DOCK2: variants seen among roughly 807,000 people sequenced by gnomAD.
DOCK2 encodes dedicator of cytokinesis protein 2.
In DOCK2, 87 loss-of-function variants were observed where a neutral mutation model predicts 248.9. That is an observed-to-expected ratio of 0.35 (90% CI 0.29 to 0.42). The LOEUF (loss-of-function observed/expected upper bound fraction) is 0.42, where lower values mean the gene tolerates loss of function less well. Among genes scored for constraint, DOCK2 ranks in the 10% least tolerant of loss-of-function variants. DOCK2 has a pLI of 1.00. For synonymous variants in DOCK2, 805 were observed against 821.6 expected (o/e 0.98, Z 0.35); for missense variants, 1,747 against 2,300.2 (o/e 0.76, Z 4.92).
chr5:169,917,573 A>T (rs555665304), intron 27 of DOCK2, among the ~76,000 whole-genome samples: 2 of 152,174 alleles, frequency 1.3e-5, no homozygotes. Flanking sequence ...ATGAAAATTG[A>T]ATGTTGTTTG....
At chr5:169,821,962 T>G (rs1301558585) in intron 26 of DOCK2, among the ~76,000 whole-genome samples, 3 of 151,750 alleles carry the variant, frequency 2.0e-5, no homozygotes, top group Admixed American at 1.3e-4. Flanking sequence ...AGGCAGAGGT[T>G]GCAATCCTAG....
At chr5:169,824,651 A>C (rs1308205937) in intron 26 of DOCK2, among the ~76,000 whole-genome samples, 1 of 152,260 alleles carries the variant, frequency 6.6e-6, no homozygotes, top group African/African-American at 2.4e-5. Flanking sequence ...TAAATGTTAG[A>C]CCTAAAACCA....
rs117909152 is a variant in DOCK2 at position 169,686,724 on chromosome 5, G to A, written c.761+2374G>A. Among the ~76,000 whole-genome samples, 29 of 152,346 alleles carry A rather than the reference G, an allele frequency of 1.9e-4. No individual in the cohort carries two copies. The East Asian group carries it at 5.4e-3, about 28-fold the overall frequency. ...AAGACATCTTCAGTGTGGCCCAGAT[G>A]TGGACTGGGGAGAATATAGCTAGGA... On this transcript the variant is annotated intron_variant, in intron 8 of 51. Transcript: ENST00000520908.
chr5:170,065,229 A>G (rs951837104), intron 44 of DOCK2, among the ~76,000 whole-genome samples: 8 of 152,196 alleles, frequency 5.3e-5, no homozygotes, highest in Admixed American at 2.0e-4. Context: ...CAGGGTAACC[A>G]CAAAGCAAAA....
intron 26 of DOCK2, among the ~76,000 whole-genome samples, chr5:169,838,540 G>A (rs186095394): frequency 2.8e-4 from 42 of 152,250 alleles, no homozygotes; most frequent in African/African-American, 9.9e-4. Flanking sequence ...CAGCAAAATG[G>A]CTTGGAGAAA....
At chr5:169,743,442 T>G (rs891541771) in intron 22 of DOCK2, among the ~76,000 whole-genome samples, 7 of 152,184 alleles carry the variant, frequency 4.6e-5, no homozygotes, top group Admixed American at 1.3e-4. Context: ...ATCAGAGAGT[T>G]TGCCCAAATA....
intron 27 of DOCK2, among the ~76,000 whole-genome samples, chr5:169,962,878 A>G (rs1777148724): frequency 6.6e-6 from 1 of 152,152 alleles, no homozygotes; most frequent in African/African-American, 2.4e-5. Flanking sequence ...TGCCCAGAAC[A>G]GAGAAAGCCT....
At chr5:169,893,964 A>C (rs1773443673) in intron 27 of DOCK2, among the ~76,000 whole-genome samples, 2 of 150,572 alleles carry the variant, frequency 1.3e-5, no homozygotes, top group Admixed American at 6.6e-5. Flanking sequence ...TAAAGAAATT[A>C]TGAATAAAAT....
At chr5:169,928,208 A>T (rs1775568439) in intron 27 of DOCK2, among the ~76,000 whole-genome samples, 1 of 152,142 alleles carries the variant, frequency 6.6e-6, no homozygotes, top group Non-Finnish European at 1.5e-5. Flanking sequence ...TATTGACAGC[A>T]GCCTCAATGC....
At chr5:170,079,878 A>G (rs766147840) in intron 49 of DOCK2, 4 of 334,374 alleles carry the variant, frequency 1.2e-5, no homozygotes, top group Non-Finnish European at 1.6e-5. Flanking sequence ...GTGGATGGAT[A>G]AGAATGGAAA....
intron 46 of DOCK2, among the ~76,000 whole-genome samples, chr5:170,072,190 T>C (rs1375895627): frequency 2.6e-5 from 4 of 152,212 alleles, no homozygotes; most frequent in African/African-American, 7.2e-5. Flanking sequence ...TCAGCTTTCA[T>C]AGGTACTGCC....
Position 169,786,307 on chromosome 5 carries a change from C to G in DOCK2, c.2555-16751C>G, listed in dbSNP as rs76448071. Among the ~76,000 whole-genome samples, 1,030 of 152,242 alleles carry G rather than the reference C, an allele frequency of 6.8e-3. 17 individuals are homozygous for G. The highest frequency in any genetic ancestry group is 0.024 in the African/African-American group (995 of 41,532). ...CACACTTCAGTTAGTAGGGGGGCATCTTTGGCCCCTGAGGAATTTGGGAAG... is the reference window on the plus strand; with the variant it reads ...CACACTTCAGTTAGTAGGGGGGCATGTTTGGCCCCTGAGGAATTTGGGAAG... On this transcript the variant is annotated intron_variant, in intron 25 of 51. Coordinates refer to ENST00000520908, the MANE Select transcript of DOCK2 (RefSeq NM_004946.3).
chr5:170,045,669 G>A (rs1756681057), intron 38 of DOCK2, 147 bp from the exon 39 acceptor site: 5 of 736,468 alleles, frequency 6.8e-6, no homozygotes, highest in East Asian at 2.6e-5. Context: ...GGAAGCCCCC[G>A]GCCCCTCTGT....
intron 25 of DOCK2, among the ~76,000 whole-genome samples, chr5:169,770,484 G>C (rs1765025059): frequency 6.6e-6 from 1 of 151,938 alleles, no homozygotes; most frequent in Non-Finnish European, 1.5e-5. Context: ...AAACTTTGTA[G>C]AGATAGGGTC....
intron 27 of DOCK2, among the ~76,000 whole-genome samples, chr5:169,945,654 C>T (rs1776418349): frequency 6.6e-6 from 1 of 152,204 alleles, no homozygotes; most frequent in Admixed American, 6.5e-5. Flanking sequence ...GCAGTGGCCT[C>T]TTCACACGGG....
intron 27 of DOCK2, among the ~76,000 whole-genome samples, chr5:169,938,140 C>T (rs1305081119): frequency 3.3e-5 from 5 of 152,208 alleles, no homozygotes; most frequent in Non-Finnish European, 7.3e-5. Flanking sequence ...TGCTCCCTGC[C>T]TCTCTAAAGC....
At chr5:169,926,058 G>A (rs1011904900) in intron 27 of DOCK2, among the ~76,000 whole-genome samples, 1 of 152,190 alleles carries the variant, frequency 6.6e-6, no homozygotes, top group South Asian at 2.1e-4. Flanking sequence ...CCATTGCTTA[G>A]AGCTGAGCTT....
At chr5:169,711,650 A>C (rs1275947285) in intron 15 of DOCK2, among the ~76,000 whole-genome samples, 1 of 152,214 alleles carries the variant, frequency 6.6e-6, no homozygotes, top group African/African-American at 2.4e-5. Flanking sequence ...TGTGACTTTT[A>C]TATCAATTTG....
chr5:169,681,962 G>T (rs1016618004), intron 7 of DOCK2, 83 bp downstream of exon 7: 47 of 1,554,768 alleles, frequency 3.0e-5, no homozygotes, highest in Non-Finnish European at 3.6e-5. Context: ...TAATGAACCA[G>T]ACTGTGTATT....
Sources: allele counts gnomAD v4.1 joint callset (sites outside exome capture counted in the v4.1 genomes callset), GRCh38; gene constraint gnomAD v4.1.1; transcripts MANE v1.5; gene names NCBI Gene and HGNC (gene_info 2026-07-23, HGNC 2026-07-21).